Variants in TMPRSS11A observed in about 807,000 individuals in gnomAD.
The protein encoded by TMPRSS11A is transmembrane protease serine 11A.
A neutral mutation model predicts 58.9 loss-of-function variants in TMPRSS11A; 53 were observed. That is an observed-to-expected ratio of 0.90 (90% CI 0.72 to 1.13). TMPRSS11A has a LOEUF of 1.13. Ranked by LOEUF, TMPRSS11A falls within the 50% of genes most tolerant of loss-of-function variation. TMPRSS11A has a pLI of 0.00. For missense variants in TMPRSS11A, 493 were observed against 499.3 expected (o/e 0.99, Z 0.12); for synonymous variants, 167 against 169.8 (o/e 0.98, Z 0.13).
chr4:67,936,685 G>T (rs989005586), intron 3 of TMPRSS11A, among the ~76,000 whole-genome samples: 6 of 152,120 alleles, frequency 3.9e-5, no homozygotes, highest in African/African-American at 2.4e-5. Context: ...ATGTCAGAAA[G>T]AAATGGACAG....
chr4:67,949,858 A>G (rs896479875), intron 1 of TMPRSS11A, among the ~76,000 whole-genome samples: 6 of 152,152 alleles, frequency 3.9e-5, no homozygotes, highest in Non-Finnish European at 8.8e-5. Context: ...CTCCATCTCA[A>G]AAAAAAGTAT....
chr4:67,954,802 G>A (rs571338806), intron 1 of TMPRSS11A, among the ~76,000 whole-genome samples: 76 of 152,276 alleles, frequency 5.0e-4, no homozygotes, highest in Non-Finnish European at 9.0e-4. Flanking sequence ...TTTGCAATGT[G>A]AGGCAAAGCA....
In TMPRSS11A at chr4:67,936,295, C is replaced by G. The variant is rs1013266968; in HGVS notation, c.253-4235G>C. Among the ~76,000 whole-genome samples the G allele has an allele frequency of 2.0e-5, 3 of 150,730 alleles. 1 individual carries two copies. Among genetic ancestry groups the G allele is most frequent in the Admixed American group, 6.6e-5 (1 of 15,150 alleles). On this transcript the variant is annotated intron_variant, in intron 3 of 9. Transcript: ENST00000508048. ...TAATCTTGGTAGTTTTTAGTGCAGT[C>G]CTTTTAAGTTCGTATCATATCTGTA... is the stretch of plus-strand genomic sequence containing the variant.
chr4:67,912,357 A>G (rs1281845547), intron 9 of TMPRSS11A, among the ~76,000 whole-genome samples: 1 of 151,984 alleles, frequency 6.6e-6, no homozygotes, highest in African/African-American at 2.4e-5. Flanking sequence ...TTCTGCTCAA[A>G]TTCGAGCTGG....
intron 1 of TMPRSS11A, among the ~76,000 whole-genome samples, chr4:67,959,156 C>A (rs1256306963): frequency 6.6e-6 from 1 of 152,188 alleles, no homozygotes; most frequent in Non-Finnish European, 1.5e-5. Flanking sequence ...TGTTACAAAT[C>A]TGCCTTTAAA....
chr4:67,944,726 A>C (rs1316971121), intron 2 of TMPRSS11A, 89 bp from the exon 3 acceptor site: 2 of 1,058,650 alleles, frequency 1.9e-6, no homozygotes, highest in Admixed American at 4.8e-5. Flanking sequence ...AATCTTGAAT[A>C]TGTCCCTGAG....
At chr4:67,919,287 C>T (rs1029800638) in intron 7 of TMPRSS11A, 55 bp from the exon 8 acceptor site, 2 of 1,513,176 alleles carry the variant, frequency 1.3e-6, no homozygotes, top group African/African-American at 2.8e-5. Flanking sequence ...AGTATATGAG[C>T]TAGATTAATT....
chr4:67,915,192 T>C (rs999071016), intron 8 of TMPRSS11A, among the ~76,000 whole-genome samples: 2 of 152,014 alleles, frequency 1.3e-5, no homozygotes, highest in African/African-American at 4.8e-5. Context: ...ATGTGAAATA[T>C]ACATATATTA....
chr4:67,956,307 G>A (rs888990656), intron 1 of TMPRSS11A, among the ~76,000 whole-genome samples: 2 of 152,164 alleles, frequency 1.3e-5, no homozygotes, highest in Non-Finnish European at 2.9e-5. Context: ...TAAGATAAGG[G>A]AAGGACTTAT....
At chr4:67,940,115 G>A (rs188733845) in intron 3 of TMPRSS11A, among the ~76,000 whole-genome samples, 188 of 152,306 alleles carry the variant, frequency 1.2e-3, no homozygotes, top group African/African-American at 4.2e-3. Context: ...ACTTTTTGAT[G>A]TGCTGCTGGA....
intron 5 of TMPRSS11A, among the ~76,000 whole-genome samples, chr4:67,924,551 C>T (rs538923149): frequency 1.1e-4 from 17 of 152,226 alleles, no homozygotes; most frequent in Non-Finnish European, 2.2e-4. Context: ...TTTCACACTG[C>T]TGATAAAGAC....
rs1385613470 is a variant in TMPRSS11A at position 67,944,517 on chromosome 4, A to G, written c.252+2T>C. 6.2e-7 allele frequency: 1 copy of G among 1,607,598 alleles called. No homozygotes were observed. Among genetic ancestry groups the G allele is most frequent in the East Asian group, 2.2e-5 (1 of 44,806 alleles). On this transcript the variant is annotated splice_donor_variant, in intron 3 of 9. Coordinates refer to ENST00000508048, the MANE Select transcript of TMPRSS11A (RefSeq NM_001114387.2). LOFTEE classifies it high-confidence loss of function. Reference sequence around the variant, plus strand: ...TGATAAAAAGAAGTTTACCTGACTCACCAAATTTTCGGTCGTCTCTCGTAA... The same window carrying G: ...TGATAAAAAGAAGTTTACCTGACTCGCCAAATTTTCGGTCGTCTCTCGTAA...
At chr4:67,912,261 T>G (rs1371966030) in intron 9 of TMPRSS11A, among the ~76,000 whole-genome samples, 4 of 150,620 alleles carry the variant, frequency 2.7e-5, no homozygotes, top group Admixed American at 1.3e-4. Flanking sequence ...TTACTTCCTC[T>G]GAAGCTGTTC....
At chr4:67,953,237 G>A (rs1560574562) in intron 1 of TMPRSS11A, among the ~76,000 whole-genome samples, 1 of 152,298 alleles carries the variant, frequency 6.6e-6, no homozygotes, top group South Asian at 2.1e-4. Flanking sequence ...CTGATCTGCA[G>A]CCCGGGACTT....
Position 67,963,366 on chromosome 4 carries a change from A to G in TMPRSS11A, c.11+17T>C. On this transcript the variant is annotated intron_variant, in intron 1 of 9. Coordinates refer to ENST00000508048, the MANE Select transcript of TMPRSS11A (RefSeq NM_001114387.2). ...AGTACATCAAACAAGCCATCTATAA[A>G]ACAGAACTGAACTTACCGATACATC... 6.2e-7 allele frequency: 1 copy of G among 1,613,684 alleles called. No individual in the cohort carries two copies. Among genetic ancestry groups the G allele is most frequent in the Non-Finnish European group, 8.5e-7 (1 of 1,179,808 alleles).
chr4:67,948,934 T>A (rs1327123010), intron 1 of TMPRSS11A, among the ~76,000 whole-genome samples: 1 of 76,436 alleles, frequency 1.3e-5, no homozygotes, highest in Non-Finnish European at 4.7e-5. Flanking sequence ...AAATTTATTC[T>A]CGGTGCCCCT....
intron 7 of TMPRSS11A, among the ~76,000 whole-genome samples, chr4:67,921,480 G>T (rs353161): frequency 0.72 from 108,631 of 151,930 alleles, 39,371 homozygotes; most frequent in African/African-American, 0.83. Flanking sequence ...ATGATAGGTA[G>T]GCACCACCAT....
At chr4:67,937,952 T>C (rs1169491113) in intron 3 of TMPRSS11A, among the ~76,000 whole-genome samples, 1 of 152,184 alleles carries the variant, frequency 6.6e-6, no homozygotes, top group African/African-American at 2.4e-5. Flanking sequence ...TGAATAGTAG[T>C]TCCATTTTAA....
intron 3 of TMPRSS11A, among the ~76,000 whole-genome samples, chr4:67,942,318 ATAGT>A (rs896216522): frequency 6.6e-6 from 1 of 152,052 alleles, no homozygotes; most frequent in African/African-American, 2.4e-5. Flanking sequence ...CCTTTGGAGG[ATAGT>A]TAGGTCATGA....
Sources: allele counts gnomAD v4.1 joint callset (sites outside exome capture counted in the v4.1 genomes callset), GRCh38; gene constraint gnomAD v4.1.1; transcripts MANE v1.5; gene names NCBI Gene and HGNC (gene_info 2026-07-23, HGNC 2026-07-21).